The following CCT3 variants were observed in gnomAD, a reference collection of about 807,000 sequenced individuals.
CCT3 encodes the protein chaperonin containing TCP1 subunit 3.
In CCT3, 10 loss-of-function variants were observed where a neutral mutation model predicts 65.3. That is an observed-to-expected ratio of 0.15 (90% CI 0.09 to 0.26). The LOEUF (loss-of-function observed/expected upper bound fraction) is 0.26, where lower values mean the gene tolerates loss of function less well. Ranked by LOEUF, CCT3 falls within the 10% of genes least tolerant of loss-of-function variation. The probability of loss-of-function intolerance (pLI) is 1.00; values close to 1 mark genes in which losing one functional copy is unlikely to be tolerated. For missense variants in CCT3, 626 were observed against 708.7 expected (o/e 0.88, Z 1.33); for synonymous variants, 225 against 242.3 (o/e 0.93, Z 0.66).
intron 5 of CCT3, among the ~76,000 whole-genome samples, chr1:156,325,351 C>A (rs1183796355): frequency 6.6e-6 from 1 of 152,018 alleles, no homozygotes; most frequent in African/African-American, 2.4e-5. Flanking sequence ...CACAGTGAGA[C>A]CCTGTCTTTA....
chr1:156,321,760 G>A (rs796659870), intron 6 of CCT3, among the ~76,000 whole-genome samples: 3 of 152,138 alleles, frequency 2.0e-5, no homozygotes, highest in African/African-American at 7.2e-5. Context: ...TGTAGTCCCA[G>A]TTACTCCAGA....
At chr1:156,331,400 T>A (rs1488677094) in intron 5 of CCT3, among the ~76,000 whole-genome samples, 1 of 152,138 alleles carries the variant, frequency 6.6e-6, no homozygotes, top group African/African-American at 2.4e-5. Context: ...TAGCATCCCT[T>A]GGCTGGGCGC....
chr1:156,325,813 C>G (rs961605674), intron 5 of CCT3, among the ~76,000 whole-genome samples: 4 of 151,806 alleles, frequency 2.6e-5, no homozygotes, highest in Admixed American at 6.6e-5. Flanking sequence ...GAACTCGTGA[C>G]CTCAGGTGAT....
At chr1:156,338,068 T>C in intron 1 of CCT3, 86 bp downstream of exon 1, 2 of 1,438,788 alleles carry the variant, frequency 1.4e-6, no homozygotes, top group Non-Finnish European at 1.9e-6. Context: ...GCCCGGTCAG[T>C]GGGGGACGGA....
intron 10 of CCT3, 41 bp from the exon 11 acceptor site, chr1:156,312,262 A>C (rs780651592): frequency 2.5e-6 from 4 of 1,589,458 alleles, no homozygotes; most frequent in Admixed American, 1.7e-5. Context: ...ATGATTTCAG[A>C]TACTTGTACC....
intron 13 of CCT3, 74 bp downstream of exon 13, chr1:156,310,484 C>T (rs1452348756): frequency 9.8e-6 from 11 of 1,127,090 alleles, no homozygotes; most frequent in Admixed American, 5.9e-5. Context: ...ACTGAGACTG[C>T]GTCTCAAAAA....
In CCT3 at chr1:156,334,892, A is replaced by G; in HGVS notation, c.120T>C (p.Cys40=). The G allele has an allele frequency of 6.2e-7, 1 of 1,614,166 alleles. No homozygotes were observed. The highest frequency in any genetic ancestry group is 8.5e-7 in the Non-Finnish European group (1 of 1,180,004). ...CCTTCATCATGGACTTGGGTCCCAA[A>G]CATGTTCGGATGATATCTGCAATAG... ...AKTIADIIRT[C]LGPKSMMKML... The change falls in exon 3 of 14, where the codon TGT becomes TGC. Residue 40 remains cysteine, a synonymous_variant. Transcript: ENST00000295688.
At position 156,338,262 on chromosome 1, in the gene CCT3, G is replaced by A. The variant is rs1350331024; in HGVS notation, c.-78C>T. The stretch of plus-strand genomic sequence containing the variant: ...TCTGGAGAGAGAGAACCAGACAGAA[G>A]CCCAGAAAACGCTGCCTCCTCAGGG... On this transcript the variant is annotated 5_prime_UTR_variant, in exon 1 of 14. Transcript: ENST00000295688. 3.4e-6 allele frequency: 5 copies of A among 1,486,902 alleles called. No individual in the cohort carries two copies. The highest frequency in any genetic ancestry group is 4.8e-5 in the East Asian group (2 of 41,658). 92.1% of individuals were successfully genotyped at this position (1,486,902 alleles called of 1,614,324 possible).
At chr1:156,313,229 C>T (rs1315494192) in intron 10 of CCT3, among the ~76,000 whole-genome samples, 1 of 151,512 alleles carries the variant, frequency 6.6e-6, no homozygotes, top group Non-Finnish European at 1.5e-5. Flanking sequence ...CTCCCAGCTA[C>T]TTGGGAGCCT....
chr1:156,327,267 GCCTCTCC>G lies in CCT3; in HGVS notation c.305-2185_305-2179del, dbSNP rs764171676. Among the ~76,000 whole-genome samples, 405 of 151,912 alleles carry G rather than the reference GCCTCTCC, an allele frequency of 2.7e-3. 2 individuals are homozygous for G. The highest frequency in any genetic ancestry group is 8.6e-3 in the African/African-American group (355 of 41,442). On this transcript the variant is annotated intron_variant, in intron 5 of 13. Transcript: ENST00000295688. ...CTTTTAAAAATGTACATAGCCTCTC[GCCTCTCC>G]CCTCTCCCCTCTCCCTCTCCACGGT...
Position 156,334,875 on chromosome 1 carries a change from A to G in CCT3, c.137T>C (p.Met46Thr). 6.2e-7 allele frequency: 1 copy of G among 1,614,146 alleles called. No individual in the cohort carries two copies. The highest frequency in any genetic ancestry group is 8.5e-7 in the Non-Finnish European group (1 of 1,180,008). The change falls in exon 3 of 14, where the codon ATG (methionine) becomes ACG (threonine). Residue 46 changes from methionine to threonine, a missense_variant. Coordinates refer to ENST00000295688, the MANE Select transcript of CCT3 (RefSeq NM_005998.5). Reference sequence around the variant, plus strand: ...AGGAAGAGATAAGCCTACCTTCATCATGGACTTGGGTCCCAAACATGTTCG... The same window carrying G: ...AGGAAGAGATAAGCCTACCTTCATCGTGGACTTGGGTCCCAAACATGTTCG... ...IIRTCLGPKSMMKMLLDPMGG... is the reference protein window; with the variant it reads ...IIRTCLGPKSTMKMLLDPMGG...
chr1:156,318,840 C>T (rs1664419712), intron 8 of CCT3, 28 bp downstream of exon 8: 4 of 1,597,140 alleles, frequency 2.5e-6, no homozygotes, highest in Non-Finnish European at 3.4e-6. Context: ...CTTGCATCTA[C>T]TTTAAGGAAC....
intron 6 of CCT3, 117 bp from the exon 7 acceptor site, chr1:156,321,142 G>A (rs567339916): frequency 1.7e-5 from 14 of 813,348 alleles, no homozygotes; most frequent in Non-Finnish European, 5.7e-6. Flanking sequence ...AAGGGGATTT[G>A]TTCCTTTGGA....
At chr1:156,325,705 G>A (rs1340701075) in intron 5 of CCT3, among the ~76,000 whole-genome samples, 1 of 151,458 alleles carries the variant, frequency 6.6e-6, no homozygotes, top group Non-Finnish European at 1.5e-5. Context: ...GGCCTCCCAA[G>A]TAGCTGGGAT....
At chr1:156,325,782 T>C (rs1664775530) in intron 5 of CCT3, among the ~76,000 whole-genome samples, 1 of 151,916 alleles carries the variant, frequency 6.6e-6, no homozygotes, top group East Asian at 1.9e-4. Flanking sequence ...TTTTACTATG[T>C]TGGTTGGCCA....
At chr1:156,324,292 C>T (rs1334313474) in intron 6 of CCT3, among the ~76,000 whole-genome samples, 1 of 151,876 alleles carries the variant, frequency 6.6e-6, no homozygotes. Context: ...TGGTCTCTAA[C>T]TCCTGACCTC....
intron 12 of CCT3, 128 bp downstream of exon 12, chr1:156,310,822 T>G: frequency 6.9e-7 from 1 of 1,456,162 alleles, no homozygotes; most frequent in Admixed American, 2.0e-5. Context: ...AGTCAAAGAC[T>G]AAAAGGAGAG....
chr1:156,314,798 T>C (rs1326086602), intron 10 of CCT3, among the ~76,000 whole-genome samples: 1 of 151,746 alleles, frequency 6.6e-6, no homozygotes, highest in African/African-American at 2.4e-5. Context: ...TGCCAGACGA[T>C]GAGGAAGATG....
At chr1:156,312,019 C>A (rs757808946) in intron 11 of CCT3, 22 bp downstream of exon 11, 3 of 1,588,666 alleles carry the variant, frequency 1.9e-6, no homozygotes, top group Non-Finnish European at 1.7e-6. Flanking sequence ...TTCATCTGGT[C>A]ATACATCCAA....
Sources: allele counts gnomAD v4.1 joint callset (sites outside exome capture counted in the v4.1 genomes callset), GRCh38; gene constraint gnomAD v4.1.1; transcripts MANE v1.5; gene names NCBI Gene and HGNC (gene_info 2026-07-23, HGNC 2026-07-21).